The following TMEM116 variants were observed in gnomAD, a reference collection of about 807,000 sequenced individuals.
The protein encoded by TMEM116 is transmembrane protein 116.
In TMEM116, 38 loss-of-function variants were observed where a neutral mutation model predicts 44.3. The observed-to-expected ratio is 0.86, with a 90% CI of 0.66 to 1.12. TMEM116 has a LOEUF of 1.12. TMEM116 is among the 50% of genes most tolerant of loss of function. The pLI is 0.00. For missense variants in TMEM116, 354 were observed against 401.7 expected, an observed-to-expected ratio of 0.88 and a Z score of 1.01; for synonymous variants, 132 against 144.8, an observed-to-expected ratio of 0.91 and a Z score of 0.64.
At chr12:111,999,231 T>TC (rs914837472) in intron 3 of TMEM116, among the ~76,000 whole-genome samples, 3 of 152,100 alleles carry the variant, frequency 2.0e-5, no homozygotes, top group Non-Finnish European at 4.4e-5. Context: ...TTGTCCTTTT[T>TC]TTTTACTTAG....
chr12:111,947,444 T>C (rs2073376674), intron 4 of TMEM116, among the ~76,000 whole-genome samples: 1 of 152,196 alleles, frequency 6.6e-6, no homozygotes, highest in Non-Finnish European at 1.5e-5. Flanking sequence ...TCAAATTATA[T>C]GGAAAACATT....
chr12:111,941,267 T>C (rs1221421719), intron 5 of TMEM116, among the ~76,000 whole-genome samples: 2 of 151,852 alleles, frequency 1.3e-5, no homozygotes, highest in African/African-American at 4.8e-5. Flanking sequence ...TCCTAGCTAC[T>C]TGGGGGGCTG....
intron 3 of TMEM116, chr12:112,003,557 G>C: frequency 2.8e-6 from 1 of 356,984 alleles, no homozygotes; most frequent in Non-Finnish European, 4.8e-6. Context: ...GACAGAGCAA[G>C]ACTCCGTCTC....
intron 4 of TMEM116, among the ~76,000 whole-genome samples, chr12:111,964,042 G>A (rs1020465786): frequency 2.8e-5 from 4 of 140,952 alleles, no homozygotes; most frequent in East Asian, 2.0e-4. Flanking sequence ...AACAACTCCC[G>A]TTTTTTTTTT....
chr12:111,945,988 G>A (rs2073241090), intron 4 of TMEM116, among the ~76,000 whole-genome samples: 1 of 152,172 alleles, frequency 6.6e-6, no homozygotes, highest in Non-Finnish European at 1.5e-5. Flanking sequence ...TTCTGAGCAT[G>A]TTTAAGTTAG....
intron 1 of TMEM116, chr12:112,011,918 G>C (rs1024262301): frequency 6.6e-6 from 1 of 152,158 alleles, no homozygotes; most frequent in Non-Finnish European, 1.5e-5. Flanking sequence ...AGGCTGACCT[G>C]GGTGCTGTTT....
At chr12:111,937,292 C>T in intron 6 of TMEM116, 49 bp from the exon 7 acceptor site, 2 of 1,416,816 alleles carry the variant, frequency 1.4e-6, no homozygotes, top group Non-Finnish European at 2.0e-6. Flanking sequence ...TTTTCATGCC[C>T]TTCCTCCTTT....
At chr12:111,951,822 T>TA (rs1008786353) in intron 4 of TMEM116, among the ~76,000 whole-genome samples, 15 of 149,620 alleles carry the variant, frequency 1.0e-4, no homozygotes, top group South Asian at 4.2e-4. Flanking sequence ...AAATAAGAGT[T>TA]AAAAAAAAAG....
chr12:111,951,921 T>C (rs993077112), intron 4 of TMEM116, among the ~76,000 whole-genome samples: 6 of 152,092 alleles, frequency 3.9e-5, no homozygotes, highest in African/African-American at 1.4e-4. Context: ...GTTTTCAAAC[T>C]GACTTAGTGG....
At chr12:111,985,750 C>T (rs759739131) in intron 4 of TMEM116, among the ~76,000 whole-genome samples, 2 of 152,008 alleles carry the variant, frequency 1.3e-5, no homozygotes, top group Non-Finnish European at 2.9e-5. Flanking sequence ...GCGCACACCA[C>T]CACACCCAGC....
chr12:111,957,452 T>C (rs2074215281), intron 4 of TMEM116, among the ~76,000 whole-genome samples: 1 of 149,834 alleles, frequency 6.7e-6, no homozygotes, highest in Non-Finnish European at 1.5e-5. Context: ...GTCTGGGAAG[T>C]GAGGAGCGTC....
chr12:112,002,845 T>C (rs1397226792), intron 3 of TMEM116, among the ~76,000 whole-genome samples: 1 of 152,216 alleles, frequency 6.6e-6, no homozygotes, highest in East Asian at 1.9e-4. Context: ...ATAAAAGCTC[T>C]CCCATACATG....
intron 4 of TMEM116, among the ~76,000 whole-genome samples, chr12:111,985,773 T>C (rs990787529): frequency 1.4e-4 from 22 of 151,938 alleles, no homozygotes; most frequent in African/African-American, 5.3e-4. Flanking sequence ...ATTTTTGTAT[T>C]TTTTGTAGAG....
At chr12:111,962,231 G>A (rs1447792009) in intron 4 of TMEM116, among the ~76,000 whole-genome samples, 1 of 152,084 alleles carries the variant, frequency 6.6e-6, no homozygotes, top group African/African-American at 2.4e-5. Flanking sequence ...CATGAAAATG[G>A]CCATACTGCC....
At chr12:111,983,775 G>C (rs911338892) in intron 4 of TMEM116, among the ~76,000 whole-genome samples, 1 of 152,046 alleles carries the variant, frequency 6.6e-6, no homozygotes, top group African/African-American at 2.4e-5. Flanking sequence ...ACCAAAACCT[G>C]TCAAGTTATT....
At chr12:111,973,627 T>C (rs1047314002) in intron 4 of TMEM116, among the ~76,000 whole-genome samples, 3 of 152,176 alleles carry the variant, frequency 2.0e-5, no homozygotes, top group Non-Finnish European at 4.4e-5. Context: ...ATTAAACCCA[T>C]AGTAAAAATA....
At chr12:112,000,889 A>C (rs571680280) in intron 3 of TMEM116, 5 of 427,198 alleles carry the variant, frequency 1.2e-5, no homozygotes, top group Admixed American at 8.2e-5. Context: ...TCTATTCTCC[A>C]GCCAATGTTC....
At chr12:111,993,566 C>A in intron 3 of TMEM116, 1 of 544,326 alleles carries the variant, frequency 1.8e-6, no homozygotes, top group Admixed American at 2.2e-5. Context: ...CCAGGTTAGA[C>A]CAAGACTTTG....
intron 4 of TMEM116, among the ~76,000 whole-genome samples, chr12:111,984,133 A>AT (rs1221658068): frequency 6.6e-6 from 1 of 152,178 alleles, no homozygotes; most frequent in African/African-American, 2.4e-5. Context: ...CCTTTTCATG[A>AT]TTAAAAAAAA....
Sources: gnomAD v4.1 joint callset for allele counts (sites outside exome capture counted in the v4.1 genomes callset) on GRCh38, gnomAD v4.1.1 for gene constraint, MANE v1.5 for transcripts, NCBI Gene and HGNC (gene_info 2026-07-23, HGNC 2026-07-21) for gene names.